Variants in WDFY3 observed in about 807,000 individuals in gnomAD.
WDFY3 encodes WD repeat and FYVE domain containing 3, also known as WD repeat and FYVE domain-containing protein 3.
A neutral mutation model predicts 409.6 loss-of-function variants in WDFY3; 66 were observed. The ratio of observed to expected loss-of-function variants is 0.16; its 90% CI spans 0.13 to 0.20. The LOEUF is 0.20. Ranked by LOEUF, WDFY3 falls within the 10% of genes least tolerant of loss-of-function variation. The pLI, the probability that WDFY3 is intolerant of heterozygous loss-of-function variation, is 1.00. For synonymous variants in WDFY3, 1,521 were observed against 1,537.1 expected, an observed-to-expected ratio of 0.99 and a Z score of 0.25; for missense variants, 3,031 against 4,298.1, an observed-to-expected ratio of 0.71 and a Z score of 8.24.
intron 2 of WDFY3, among the ~76,000 whole-genome samples, chr4:84,911,980 G>C (rs561966508): frequency 1.3e-5 from 2 of 152,244 alleles, no homozygotes; most frequent in South Asian, 4.2e-4. Context: ...CGCTATAGTG[G>C]TAAGCTCAAA....
chr4:84,702,460 T>C lies in WDFY3; in HGVS notation c.8489A>G (p.Glu2830Gly). 1 of 1,613,682 alleles carries C rather than the reference T, an allele frequency of 6.2e-7. No individual in the cohort carries two copies. Among genetic ancestry groups the C allele is most frequent in the Non-Finnish European group, 8.5e-7 (1 of 1,179,902 alleles). The change falls in exon 56 of 68, where the codon GAG becomes GGG. Residue 2830 changes from glutamate to glycine, a missense_variant. Around this residue, in one of 16 missense-constraint regions of WDFY3, gnomAD observed 129 missense variants for 305.3 expected, o/e 0.42. Coordinates refer to ENST00000295888, the MANE Select transcript of WDFY3 (RefSeq NM_014991.6). ...LADRMFHSVR[E>G]AWYSASKHNM... ...GTGCTTTGACGCTGAATACCAGGCC[T>C]CGCGCACACTGTGAAACATCCGGTC...
intron 48 of WDFY3, among the ~76,000 whole-genome samples, chr4:84,717,979 C>T (rs1734219701): frequency 1.5e-5 from 2 of 134,244 alleles, no homozygotes; most frequent in Admixed American, 8.6e-5. Flanking sequence ...ACCCGGGAGG[C>T]GGAGCTTGCA....
At position 84,858,052 on chromosome 4, in the gene WDFY3, CTCTT is replaced by C. The variant is rs545788632; in HGVS notation, c.180+2356_180+2359del. Among the ~76,000 whole-genome samples the C allele has an allele frequency of 1.1e-3, 175 of 152,282 alleles. 2 individuals carry two copies. The highest frequency in any genetic ancestry group is 3.8e-3 in the African/African-American group (160 of 41,566). On this transcript the variant is annotated intron_variant, in intron 4 of 67. Transcript: ENST00000295888. ...CAATTCTTTTATTGCCCCCTTTCAACTCTTTCTTTCTCATTCATTCCCTTTCACT... is the reference window on the plus strand; with the variant it reads ...CAATTCTTTTATTGCCCCCTTTCAACTCTTTCTCATTCATTCCCTTTCACT...
chr4:84,772,007 C>T (rs370700216), intron 30 of WDFY3, among the ~76,000 whole-genome samples: 2 of 152,098 alleles, frequency 1.3e-5, no homozygotes, highest in South Asian at 4.1e-4. Flanking sequence ...AGGCTGTGCT[C>T]GGGAAGGACA....
chr4:84,890,740 A>C lies in WDFY3; in HGVS notation c.-32+6171T>G, dbSNP rs549362278. 4.6e-5 allele frequency among the ~76,000 whole-genome samples: 7 copies of C among 152,354 alleles called. No homozygotes were observed. In the South Asian group the frequency reaches 1.4e-3, roughly 32 times the overall value. ...CTTAACACTGCCACTGTAGCGTGAA[A>C]GCAGCCATATATAATAGGTAAGTGA... On this transcript the variant is annotated intron_variant, in intron 3 of 67. Transcript: ENST00000295888.
rs1725225801 is a variant in WDFY3 at position 84,669,987 on chromosome 4, A to AT, written c.*2880dup. ...TAAAAACAGTTTTAACGGCATAAAT[A>AT]TTTTATACACAGTTCATTTACCAAA... is the stretch of plus-strand genomic sequence containing the variant. On this transcript the variant is annotated 3_prime_UTR_variant, in exon 68 of 68. Coordinates refer to ENST00000295888, the MANE Select transcript of WDFY3 (RefSeq NM_014991.6). 6.6e-6 allele frequency: 1 copy of AT among 152,650 alleles called. No homozygotes were observed. Among genetic ancestry groups the AT allele is most frequent in the Non-Finnish European group, 1.5e-5 (1 of 68,038 alleles). 9.5% of individuals were successfully genotyped at this position (152,650 alleles called of 1,614,324 possible). A position where few individuals can be genotyped will look rare whatever the true frequency, so the allele number is the denominator to read the frequency against.
intron 41 of WDFY3, 131 bp downstream of exon 41, chr4:84,737,053 G>A (rs1475031635): frequency 1.1e-6 from 1 of 940,434 alleles, no homozygotes; most frequent in Non-Finnish European, 1.5e-6. Flanking sequence ...ATTCTAGAAT[G>A]GTTGTTATAT....
chr4:84,709,269 A>G, intron 52 of WDFY3, 24 bp downstream of exon 52: 1 of 1,594,954 alleles, frequency 6.3e-7, no homozygotes, highest in Non-Finnish European at 8.5e-7. Context: ...CTTCTAAGGA[A>G]GCTCATATAT....
intron 2 of WDFY3, among the ~76,000 whole-genome samples, chr4:84,906,354 T>C (rs115152596): frequency 0.011 from 1,700 of 152,302 alleles, 28 homozygotes; most frequent in African/African-American, 0.039. Flanking sequence ...ATAGGCAATA[T>C]AGAACCTAAG....
intron 67 of WDFY3, among the ~76,000 whole-genome samples, chr4:84,674,266 A>G (rs1725887682): frequency 6.6e-6 from 1 of 152,238 alleles, no homozygotes; most frequent in East Asian, 1.9e-4. Context: ...CGGGAGTGCT[A>G]GTACAAATCA....
intron 3 of WDFY3, among the ~76,000 whole-genome samples, chr4:84,893,292 A>T (rs1428840983): frequency 1.3e-5 from 2 of 152,112 alleles, no homozygotes; most frequent in Non-Finnish European, 2.9e-5. Context: ...TCCCCTTGCT[A>T]CCTACCATGG....
chr4:84,773,725 T>C (rs1442264267), intron 29 of WDFY3, among the ~76,000 whole-genome samples: 9 of 152,210 alleles, frequency 5.9e-5, no homozygotes, highest in African/African-American at 2.2e-4. Context: ...CCAGATTTTT[T>C]GTTTGTTTGT....
At chr4:84,782,897 A>G in intron 25 of WDFY3, 66 bp downstream of exon 25, 1 of 1,473,760 alleles carries the variant, frequency 6.8e-7, no homozygotes, top group South Asian at 1.2e-5. Context: ...CCCTTAAGTG[A>G]GGAAAGTGAA....
chr4:84,704,252 T>C, intron 55 of WDFY3, 86 bp downstream of exon 55: 3 of 1,001,258 alleles, frequency 3.0e-6, no homozygotes, highest in African/African-American at 1.7e-5. Flanking sequence ...CTTCTTATAA[T>C]AGAAGATAAT....
chr4:84,935,570 T>C (rs933951157), intron 1 of WDFY3, among the ~76,000 whole-genome samples: 18 of 152,288 alleles, frequency 1.2e-4, no homozygotes, highest in Admixed American at 1.0e-3. Context: ...TTTCATATTG[T>C]TTCATGTGTA....
At chr4:84,769,576 G>T (rs376830475) in intron 30 of WDFY3, among the ~76,000 whole-genome samples, 2 of 151,954 alleles carry the variant, frequency 1.3e-5, no homozygotes, top group South Asian at 4.2e-4. Context: ...CACCATGCCC[G>T]GCTAATTTTT....
chr4:84,684,329 T>C (rs1222926936), intron 62 of WDFY3, among the ~76,000 whole-genome samples: 1 of 152,090 alleles, frequency 6.6e-6, no homozygotes, highest in Non-Finnish European at 1.5e-5. Flanking sequence ...GAATTCACAG[T>C]TGAGTGGATG....
At chr4:84,955,322 G>GACTA (rs1189246895) in intron 1 of WDFY3, among the ~76,000 whole-genome samples, 2 of 152,082 alleles carry the variant, frequency 1.3e-5, no homozygotes, top group Non-Finnish European at 2.9e-5. Flanking sequence ...ATTTTTACAT[G>GACTA]ACTATATCTA....
intron 51 of WDFY3, among the ~76,000 whole-genome samples, chr4:84,712,636 G>A (rs934224539): frequency 6.6e-6 from 1 of 151,504 alleles, no homozygotes; most frequent in Non-Finnish European, 1.5e-5. Context: ...CAGGAGAATC[G>A]CCATGAACCC....
Sources: gnomAD v4.1 joint callset for allele counts (sites outside exome capture counted in the v4.1 genomes callset) on GRCh38, gnomAD v4.1.1 for gene constraint, gnomAD v4.1.1 regional missense constraint, MANE v1.5 for transcripts, NCBI Gene and HGNC (gene_info 2026-07-23, HGNC 2026-07-21) for gene names.